The following FARP1 variants were observed in gnomAD, a reference collection of about 807,000 sequenced individuals.
The protein encoded by FARP1 is FERM, ARH/RhoGEF and pleckstrin domain protein 1.
Under a neutral mutation model 128.8 loss-of-function variants are expected in FARP1, and 52 were observed. The observed-to-expected ratio is 0.40, with a 90% CI of 0.32 to 0.51. The LOEUF (loss-of-function observed/expected upper bound fraction) is 0.51. Ranked by LOEUF, FARP1 falls within the 20% of genes least tolerant of loss-of-function variation. The pLI, the probability that FARP1 is intolerant of heterozygous loss-of-function variation, is 0.45. For synonymous variants in FARP1, 580 were observed against 551.8 expected, an observed-to-expected ratio of 1.05 and a Z score of -0.72; for missense variants, 1,333 against 1,367.9, an observed-to-expected ratio of 0.97 and a Z score of 0.40.
intron 16 of FARP1, among the ~76,000 whole-genome samples, chr13:98,414,181 G>GAC (rs1891293543): frequency 6.6e-6 from 1 of 152,186 alleles, no homozygotes; most frequent in East Asian, 1.9e-4. Context: ...GATATAATTT[G>GAC]ATTCCCAGAG....
intron 6 of FARP1, chr13:98,381,502 T>A (rs897691803): frequency 6.6e-6 from 1 of 152,232 alleles, no homozygotes; most frequent in Admixed American, 6.5e-5. Flanking sequence ...CCTTGCATCT[T>A]CCCTGCAGTA....
intron 1 of FARP1, among the ~76,000 whole-genome samples, chr13:98,150,763 A>G (rs1594201415): frequency 6.6e-6 from 1 of 152,196 alleles, no homozygotes; most frequent in East Asian, 1.9e-4. Flanking sequence ...AAAAACCTAT[A>G]GAGGAAGAAA....
chr13:98,404,500 G>A (rs1286847630), intron 13 of FARP1: 1 of 152,020 alleles, frequency 6.6e-6, no homozygotes, highest in Non-Finnish European at 1.5e-5. Flanking sequence ...TTTGATAACT[G>A]GCTTTCAAAT....
intron 2 of FARP1, among the ~76,000 whole-genome samples, chr13:98,292,673 G>C (rs1421160702): frequency 1.3e-5 from 2 of 152,184 alleles, no homozygotes; most frequent in African/African-American, 4.8e-5. Flanking sequence ...AGTACTGATG[G>C]AGAACATAGT....
At position 98,409,495 on chromosome 13, in the gene FARP1, G is replaced by C. The variant is rs1891109277; in HGVS notation, c.1572G>C (p.Arg524=). ...TGCTGAATGACCAGGCCTGCCCCCG[G>C]ACGGACGATGAGGATGAGGGCCGGA... The part of the protein sequence containing the change: ...SPLLNDQACP[R]TDDEDEGRRK... The change falls in exon 14 of 27, where the codon CGG becomes CGC. Residue 524 remains arginine (R), a synonymous_variant. Transcript: ENST00000319562. The C allele has an allele frequency of 6.2e-7, 1 of 1,613,038 alleles. No homozygotes were observed. The highest frequency in any genetic ancestry group is 8.5e-7 in the Non-Finnish European group (1 of 1,179,534).
intron 1 of FARP1, among the ~76,000 whole-genome samples, chr13:98,184,950 G>A (rs1344483469): frequency 4.6e-5 from 7 of 152,182 alleles, no homozygotes; most frequent in Non-Finnish European, 1.0e-4. Flanking sequence ...CATAGAGTTT[G>A]CCAGTTTCCG....
Position 98,448,403 on chromosome 13 carries a change from C to A in FARP1, c.*86C>A. ...TATTAATGAAGCCTGGTAAAATTAA[C>A]ACCTGTCTGAAAATCAAAAACATGG... On this transcript the variant is annotated 3_prime_UTR_variant, in exon 27 of 27. Coordinates refer to ENST00000319562, the MANE Select transcript of FARP1 (RefSeq NM_005766.4). 9.1e-7 allele frequency: 1 copy of A among 1,098,210 alleles called. No homozygotes were observed. The highest frequency in any genetic ancestry group is 1.4e-6 in the Non-Finnish European group (1 of 717,310). The allele number at this position is 1,098,210 out of a possible 1,614,324, so 68.0% of individuals were successfully genotyped here. A position where few individuals can be genotyped will look rare whatever the true frequency, so the allele number is the denominator to read the frequency against.
chr13:98,221,011 A>C (rs1416254652), intron 2 of FARP1, among the ~76,000 whole-genome samples: 2 of 152,222 alleles, frequency 1.3e-5, no homozygotes, highest in Non-Finnish European at 2.9e-5. Flanking sequence ...ATTCTCAATG[A>C]TAAGAAACGG....
At chr13:98,283,156 A>C (rs74108744) in intron 2 of FARP1, among the ~76,000 whole-genome samples, 3,592 of 152,212 alleles carry the variant, frequency 0.024, 142 homozygotes, top group African/African-American at 0.082. Context: ...GAACAGGATA[A>C]CTCTGCATAA....
chr13:98,261,880 C>T (rs1057236347), intron 2 of FARP1, among the ~76,000 whole-genome samples: 5 of 152,244 alleles, frequency 3.3e-5, no homozygotes, highest in Admixed American at 3.3e-4. Flanking sequence ...ATGACCCAGA[C>T]ACCTCTCACT....
chr13:98,237,208 G>T (rs1481378609), intron 2 of FARP1, among the ~76,000 whole-genome samples: 1 of 151,704 alleles, frequency 6.6e-6, no homozygotes, highest in Non-Finnish European at 1.5e-5. Flanking sequence ...GGAGGCTGAG[G>T]CAGGAGAATC....
intron 3 of FARP1, among the ~76,000 whole-genome samples, chr13:98,353,672 C>T (rs1888528063): frequency 6.6e-6 from 1 of 152,190 alleles, no homozygotes; most frequent in African/African-American, 2.4e-5. Flanking sequence ...GCCACCACAC[C>T]CGGCCTGCTT....
chr13:98,308,973 G>A (rs1003540545), intron 2 of FARP1, among the ~76,000 whole-genome samples: 3 of 151,968 alleles, frequency 2.0e-5, no homozygotes, highest in African/African-American at 7.3e-5. Context: ...GAGCCACTAT[G>A]CCCGGCCAAT....
intron 1 of FARP1, among the ~76,000 whole-genome samples, chr13:98,190,561 CTTATTTA>C (rs71705874): frequency 0.073 from 11,167 of 151,974 alleles, 1,444 homozygotes; most frequent in East Asian, 0.63. Flanking sequence ...ATTTCATTTA[CTTATTTA>C]TTATTATTTT....
chr13:98,150,966 G>A lies in FARP1; in HGVS notation c.-24+7474G>A, dbSNP rs189172438. Among the ~76,000 whole-genome samples, 54 of 151,748 alleles carry A rather than the reference G, an allele frequency of 3.6e-4. No individual in the cohort carries two copies. The East Asian group carries it at 7.8e-3, about 22-fold the overall frequency. ...GCAAGTTGTAACATTCTAAAAAGAG[G>A]TTAGTGTGGCAGATACACAGCTCTG... On this transcript the variant is annotated intron_variant, in intron 1 of 26. Transcript: ENST00000319562.
At chr13:98,370,046 A>C (rs1889259728) in intron 5 of FARP1, among the ~76,000 whole-genome samples, 1 of 152,254 alleles carries the variant, frequency 6.6e-6, no homozygotes, top group African/African-American at 2.4e-5. Flanking sequence ...GCGATTAAAT[A>C]AACAAGATAA....
At chr13:98,368,032 A>T in intron 4 of FARP1, 85 bp from the exon 5 acceptor site, 1 of 1,081,278 alleles carries the variant, frequency 9.2e-7, no homozygotes, top group Non-Finnish European at 1.4e-6. Context: ...GAGATGCATT[A>T]TTTGTATTTG....
chr13:98,395,366 C>T lies in FARP1; in HGVS notation c.1304C>T (p.Ala435Val), dbSNP rs779077193. The change falls in exon 13 of 27, where the codon GCG (alanine) becomes GTG (valine). Residue 435 changes from alanine (A) to valine (V), a missense_variant. Ala to Val is a moderately conservative substitution (Grantham distance 64, BLOSUM62 0). Coordinates refer to ENST00000319562, the MANE Select transcript of FARP1 (RefSeq NM_005766.4). The stretch of plus-strand genomic sequence containing the variant: ...AGCCCTGCGCCGAGGAGAAGCCCCG[C>T]GGGTAACAAGCAGGCGGACGGAGCC... ...HPSPAPRRSP[A>V]GNKQADGAAS... is the part of the protein sequence containing the mutation. 5 of 1,611,822 alleles carry T rather than the reference C, an allele frequency of 3.1e-6. No individual in the cohort carries two copies. The South Asian group carries it at 3.3e-5, about 11-fold the overall frequency.
chr13:98,410,615 G>A (rs909682099), intron 14 of FARP1, 119 bp from the exon 15 acceptor site: 2 of 544,854 alleles, frequency 3.7e-6, no homozygotes, highest in Non-Finnish European at 6.8e-6. Flanking sequence ...TTTATTTCTT[G>A]TTGATGCCAG....
Sources: allele counts gnomAD v4.1 joint callset (sites outside exome capture counted in the v4.1 genomes callset), GRCh38; gene constraint gnomAD v4.1.1; transcripts MANE v1.5; gene names NCBI Gene and HGNC (gene_info 2026-07-23, HGNC 2026-07-21).